CDKN2B-AS1: variants seen among roughly 807,000 people sequenced by gnomAD.
CDKN2B-AS1 encodes CDKN2B antisense RNA 1 (non-protein coding).
At chr9:22,007,410 A>AATCAGGATG (rs1406580371) in intron 1 of CDKN2B-AS1, among the ~76,000 whole-genome samples, 4 of 152,230 alleles carry the variant, frequency 2.6e-5, no homozygotes, top group Admixed American at 6.5e-5. Flanking sequence ...GTTAGCAGTC[A>AATCAGGATG]ATCAGGATGA....
intron 4 of CDKN2B-AS1, among the ~76,000 whole-genome samples, chr9:22,126,909 G>A (rs1818031274): frequency 6.6e-6 from 1 of 152,000 alleles, no homozygotes; most frequent in African/African-American, 2.4e-5. Context: ...CAGAAGGTGG[G>A]GAGGTGTCAT....
intron 4 of CDKN2B-AS1, chr9:22,059,047 A>T (rs1823693312): frequency 6.6e-6 from 1 of 152,528 alleles, no homozygotes; most frequent in South Asian, 2.1e-4. Flanking sequence ...TGGGAGAAAC[A>T]ATTCAAGGTG....
intron 1 of CDKN2B-AS1, among the ~76,000 whole-genome samples, chr9:22,015,939 GTTGT>G (rs1821734859): frequency 6.6e-6 from 1 of 152,154 alleles, no homozygotes; most frequent in South Asian, 2.1e-4. Context: ...TTTTGATGGG[GTTGT>G]TTGTTTTTTT....
chr9:22,003,277 TA>T lies in CDKN2B-AS1; in HGVS notation n.29+8124del, dbSNP rs894976659. ...AATAATGTTTGAGGTTTGCTTTAAATAAAAAAAACTAACAAAACAAACAAAA... is the reference window on the plus strand; with the variant it reads ...AATAATGTTTGAGGTTTGCTTTAAATAAAAAAACTAACAAAACAAACAAAA... On this transcript the variant is annotated intron_variant and non_coding_transcript_variant, in intron 1 of 4. Coordinates refer to ENST00000650946, the Ensembl canonical transcript of CDKN2B-AS1. 1.2e-3 allele frequency: 242 copies of T among 210,108 alleles called. 6 individuals are homozygous for T. In the East Asian group the frequency reaches 0.017, roughly 15 times the overall value. 13.0% of individuals were successfully genotyped at this position (210,108 alleles called of 1,614,324 possible). A position where few individuals can be genotyped will look rare whatever the true frequency, so the allele number is the denominator to read the frequency against.
intron 4 of CDKN2B-AS1, among the ~76,000 whole-genome samples, chr9:22,095,213 T>G (rs2131347509): frequency 6.9e-6 from 1 of 144,952 alleles, no homozygotes; most frequent in South Asian, 2.1e-4. Context: ...GAGGTGTCAG[T>G]CTGCCCCTAC....
At chr9:22,051,041 G>A (rs1370821520) in intron 3 of CDKN2B-AS1, among the ~76,000 whole-genome samples, 1 of 152,118 alleles carries the variant, frequency 6.6e-6, no homozygotes, top group Non-Finnish European at 1.5e-5. Flanking sequence ...TGTTCATATT[G>A]TCTACTTGGT....
At chr9:22,032,353 CTTCCCTTCA>C (rs1485127031) in intron 1 of CDKN2B-AS1, among the ~76,000 whole-genome samples, 1 of 152,060 alleles carries the variant, frequency 6.6e-6, no homozygotes, top group Non-Finnish European at 1.5e-5. Flanking sequence ...TCCTCCCTTC[CTTCCCTTCA>C]TTCCTTCTAC....
At chr9:22,011,172 A>G (rs375321152) in intron 1 of CDKN2B-AS1, among the ~76,000 whole-genome samples, 6 of 152,236 alleles carry the variant, frequency 3.9e-5, no homozygotes, top group African/African-American at 1.4e-4. Flanking sequence ...AGAATTCTAA[A>G]GCTTCACACT....
At chr9:22,038,837 A>T (rs2131260687) in intron 1 of CDKN2B-AS1, among the ~76,000 whole-genome samples, 1 of 152,176 alleles carries the variant, frequency 6.6e-6, no homozygotes, top group African/African-American at 2.4e-5. Context: ...TTAAAGTTAA[A>T]AAACAACTGC....
intron 4 of CDKN2B-AS1, among the ~76,000 whole-genome samples, chr9:22,123,665 T>TAGA (rs777546484): frequency 6.6e-6 from 1 of 151,448 alleles, no homozygotes; most frequent in East Asian, 1.9e-4. Flanking sequence ...ATTGTTTAAC[T>TAGA]AGAAGAAGAA....
chr9:22,112,233 C>T (rs1295000675), intron 4 of CDKN2B-AS1: 1 of 152,168 alleles, frequency 6.6e-6, no homozygotes, highest in Non-Finnish European at 1.5e-5. Flanking sequence ...ACAGCCAAAA[C>T]AAGGGGTTAA....
Position 22,000,226 on chromosome 9 carries a change from G to A in CDKN2B-AS1, n.29+5065G>A, listed in dbSNP as rs1056448812. Reference sequence around the variant, plus strand: ...GGATTGAGAAACAATTTTCTGAAATGGAAGGGGTTTTAAACTTGTTGTCCT... The same window carrying A: ...GGATTGAGAAACAATTTTCTGAAATAGAAGGGGTTTTAAACTTGTTGTCCT... On this transcript the variant is annotated intron_variant and non_coding_transcript_variant, in intron 1 of 4. Transcript: ENST00000650946. This position sits in a 1 kb window ranked among gnomAD's most constrained non-coding sequence, Gnocchi z 4.1. Among the ~76,000 whole-genome samples the A allele has an allele frequency of 1.1e-4, 17 of 152,234 alleles. No homozygotes were observed. In the East Asian group the frequency reaches 3.3e-3, roughly 29 times the overall value.
chr9:22,090,991 A>G (rs1825061484), intron 4 of CDKN2B-AS1, among the ~76,000 whole-genome samples: 2 of 152,122 alleles, frequency 1.3e-5, no homozygotes, highest in Non-Finnish European at 2.9e-5. Flanking sequence ...TCCATCTTGA[A>G]CTAATTTTTG....
At chr9:22,082,584 C>T (rs946764615) in intron 4 of CDKN2B-AS1, among the ~76,000 whole-genome samples, 5 of 152,162 alleles carry the variant, frequency 3.3e-5, no homozygotes, top group African/African-American at 7.2e-5. Flanking sequence ...CTGACTAATT[C>T]GTAGCCAGTA....
chr9:22,122,831 A>T (rs1440698003), intron 4 of CDKN2B-AS1, among the ~76,000 whole-genome samples: 1 of 152,162 alleles, frequency 6.6e-6, no homozygotes, highest in Non-Finnish European at 1.5e-5. Flanking sequence ...TGGTAGTGTG[A>T]TAACTCCAGC....
chr9:22,066,075 A>T (rs184268318), intron 4 of CDKN2B-AS1, among the ~76,000 whole-genome samples: 136 of 152,228 alleles, frequency 8.9e-4, no homozygotes, highest in Non-Finnish European at 1.5e-3. Context: ...GTAATAGCTC[A>T]TATTGAATTA....
rs557472488 is a variant in CDKN2B-AS1 at position 22,105,494 on chromosome 9, T to C, written n.439-21609T>C. ...CTCTTCATGAATCTCTATTTTTGCA[T>C]GATATTTTCACAAGGTCTCTCAAGC... On this transcript the variant is annotated intron_variant and non_coding_transcript_variant, in intron 4 of 4. Transcript: ENST00000650946. 5.3e-5 allele frequency among the ~76,000 whole-genome samples: 8 copies of C among 152,294 alleles called. No homozygotes were observed. The East Asian group carries it at 1.5e-3, about 29-fold the overall frequency.
chr9:22,074,020 C>T (rs1466596088), intron 4 of CDKN2B-AS1, among the ~76,000 whole-genome samples: 4 of 151,988 alleles, frequency 2.6e-5, no homozygotes, highest in Non-Finnish European at 5.9e-5. Context: ...TGTGCCACCA[C>T]ACCTGGCTAA....
intron 4 of CDKN2B-AS1, chr9:22,058,656 A>G (rs1409290967): frequency 2.6e-5 from 4 of 152,444 alleles, no homozygotes; most frequent in African/African-American, 9.6e-5. Flanking sequence ...CTCATGGCAC[A>G]TATCCATCTA....
Sources: allele counts gnomAD v4.1 joint callset (sites outside exome capture counted in the v4.1 genomes callset), GRCh38; gene constraint gnomAD v4.1.1; non-coding constraint Gnocchi (gnomAD v3.1); transcripts MANE v1.5; gene names NCBI Gene and HGNC (gene_info 2026-07-23, HGNC 2026-07-21).